Variants in UMODL1 observed in about 807,000 individuals in gnomAD.
UMODL1 encodes the protein uromodulin like 1, also known as uromodulin-like 1.
Under a neutral mutation model 136.3 loss-of-function variants are expected in UMODL1, and 128 were observed. That is an observed-to-expected ratio of 0.94 (90% CI 0.81 to 1.09). The LOEUF (loss-of-function observed/expected upper bound fraction) is 1.09, where lower values mean the gene tolerates loss of function less well. Ranked by LOEUF, UMODL1 falls within the 50% of genes least tolerant of loss-of-function variation. The pLI is 0.00. For synonymous variants in UMODL1, 721 were observed against 720.0 expected (o/e 1.00, Z -0.02); for missense variants, 1,766 against 1,725.6 (o/e 1.02, Z -0.41).
At chr21:42,064,482 G>A (rs750738121) in intron 1 of UMODL1, among the ~76,000 whole-genome samples, 26 of 152,358 alleles carry the variant, frequency 1.7e-4, no homozygotes, top group Middle Eastern at 6.8e-3. Context: ...CACCTTGCAG[G>A]TGGTGGTGGA....
chr21:42,067,526 G>A (rs896138092), upstream of UMODL1, among the ~76,000 whole-genome samples: 2 of 152,338 alleles, frequency 1.3e-5, no homozygotes, highest in Middle Eastern at 3.4e-3. Context: ...CTGTCCAGCC[G>A]TTGGCAGAAC....
chr21:42,125,972 G>A (rs183799184), intron 17 of UMODL1, among the ~76,000 whole-genome samples: 146 of 152,344 alleles, frequency 9.6e-4, no homozygotes, highest in African/African-American at 3.2e-3. Flanking sequence ...ATGCAGCAGG[G>A]TTTGGGGCAT....
intron 22 of UMODL1, among the ~76,000 whole-genome samples, chr21:42,140,594 C>T (rs1272225754): frequency 6.6e-6 from 1 of 152,160 alleles, no homozygotes; most frequent in Non-Finnish European, 1.5e-5. Context: ...TTGCCTTTCC[C>T]CTTCATCAGA....
intron 9 of UMODL1, among the ~76,000 whole-genome samples, chr21:42,106,208 GC>G (rs2066715058): frequency 6.6e-6 from 1 of 152,194 alleles, no homozygotes; most frequent in Non-Finnish European, 1.5e-5. Flanking sequence ...ATGGGGCACC[GC>G]CCCTGCCTGG....
Position 42,111,558 on chromosome 21 carries a change from A to G in UMODL1, c.1952A>G (p.Asp651Gly). 1 of 1,613,902 alleles carries G rather than the reference A, an allele frequency of 6.2e-7. No homozygotes were observed. The highest frequency in any genetic ancestry group is 8.5e-7 in the Non-Finnish European group (1 of 1,179,932). The change falls in exon 12 of 23, where the codon GAC becomes GGC. Residue 651 changes from aspartate to glycine, a missense_variant. Asp to Gly is a moderately conservative substitution (Grantham distance 94). Transcript: ENST00000408910. The part of the protein sequence containing the change: ...EPPSWPSPTE[D>G]PTGHFLWHAT... Reference sequence around the variant, plus strand: ...CCCTCCTGGCCTTCCCCTACTGAGGACCCCACCGGCCACTTCCTGTGGCAT... The same window carrying G: ...CCCTCCTGGCCTTCCCCTACTGAGGGCCCCACCGGCCACTTCCTGTGGCAT...
At chr21:42,120,568 C>A (rs2066956605) in intron 15 of UMODL1, 1 of 152,488 alleles carries the variant, frequency 6.6e-6, no homozygotes, top group African/African-American at 2.4e-5. Flanking sequence ...GCTCTCAGAG[C>A]ATGCCTGCAT....
chr21:42,117,208 T>A (rs1216497608), intron 14 of UMODL1, among the ~76,000 whole-genome samples: 2 of 152,250 alleles, frequency 1.3e-5, no homozygotes, highest in African/African-American at 4.8e-5. Context: ...AATATGTGAC[T>A]TTTTGTGTCT....
chr21:42,128,108 G>A (rs182487312), intron 20 of UMODL1: 19 of 558,294 alleles, frequency 3.4e-5, no homozygotes, highest in East Asian at 1.3e-4. Flanking sequence ...CGGCTGTCGC[G>A]TCAGCACTGC....
At chr21:42,065,441 C>T (rs576502814) in intron 1 of UMODL1, among the ~76,000 whole-genome samples, 1 of 152,146 alleles carries the variant, frequency 6.6e-6, no homozygotes, top group Admixed American at 6.5e-5. Context: ...TCACGAAATG[C>T]TGGTGCAGGT....
At position 42,127,133 on chromosome 21, in the gene UMODL1, G is replaced by C; in HGVS notation, c.3421G>C (p.Val1141Leu). Residue 1141 changes from valine to leucine, a missense_variant, in exon 19 of 23, where the codon GTG becomes CTG. Coordinates refer to ENST00000408910, the MANE Select transcript of UMODL1 (RefSeq NM_001004416.3). ...VSASDDVRIE[V>L]GLYRQKSNLK... is the part of the protein sequence containing the mutation. Reference sequence around the variant, plus strand: ...TGCCAGTGACGATGTCAGGATCGAAGTGGGGCTCTACAGGCAGAAAAGCAA... The same window carrying C: ...TGCCAGTGACGATGTCAGGATCGAACTGGGGCTCTACAGGCAGAAAAGCAA... 6.2e-7 allele frequency: 1 copy of C among 1,614,210 alleles called. No homozygotes were observed. The highest frequency in any genetic ancestry group is 8.5e-7 in the Non-Finnish European group (1 of 1,180,036).
At chr21:42,068,463 G>T (rs1180484309), upstream of UMODL1, among the ~76,000 whole-genome samples, 6 of 152,210 alleles carry the variant, frequency 3.9e-5, no homozygotes, top group South Asian at 6.2e-4. This position sits in a 1 kb window ranked among gnomAD's most constrained non-coding sequence, Gnocchi z 5.5. Flanking sequence ...ATGACTCAAG[G>T]TCTCTTCCAA....
At position 42,123,037 on chromosome 21, in the gene UMODL1, A is replaced by G. The variant is rs1373315853; in HGVS notation, c.3034A>G (p.Ile1012Val). ...IQKRFLQQES[I>V]PESSLYLSHP... ...GAAGCGCTTCCTGCAGCAGGAATCC[A>G]TCCCCGAGTCCTCGTTGTACCTCAG... Residue 1012 changes from isoleucine to valine, a missense_variant, in exon 17 of 23, where the codon ATC (isoleucine) becomes GTC (valine). Physicochemically the swap from Ile to Val is conservative, Grantham distance 29. Transcript: ENST00000408910. The surrounding 1 kb of genome is among the most constrained non-coding windows in gnomAD (Gnocchi z 4.4). 1 of 1,614,130 alleles carries G rather than the reference A, an allele frequency of 6.2e-7. No homozygotes were observed. Among genetic ancestry groups the G allele is most frequent in the East Asian group, 2.2e-5 (1 of 44,880 alleles).
intron 1 of UMODL1, among the ~76,000 whole-genome samples, chr21:42,074,253 G>C (rs2066262945): frequency 6.6e-6 from 1 of 151,702 alleles, no homozygotes; most frequent in Non-Finnish European, 1.5e-5. Flanking sequence ...GCATCACCCT[G>C]GTCTCTACCT....
rs115666280 is a variant in UMODL1 at position 42,118,231 on chromosome 21, C to T, written c.2476-880C>T. Among the ~76,000 whole-genome samples the T allele has an allele frequency of 3.3e-3, 498 of 152,322 alleles. 3 individuals carry two copies. Among genetic ancestry groups the T allele is most frequent in the African/African-American group, 0.011 (473 of 41,560 alleles). On this transcript the variant is annotated intron_variant, in intron 14 of 22. Coordinates refer to ENST00000408910, the MANE Select transcript of UMODL1 (RefSeq NM_001004416.3). ...GAAGAACTGATTGTGAAGATGGTCA[C>T]GACAACAGTCATCTACTGAGCCAAC...
rs372423645 is a variant in UMODL1 at position 42,119,105 on chromosome 21, C to T, written c.2476-6C>T. On this transcript the variant is annotated splice_polypyrimidine_tract_variant and splice_region_variant and intron_variant, in intron 14 of 22. Transcript: ENST00000408910. ...GGACCTCCTCACATGGCCTCTTTCC[C>T]CGCAGGTGCGGGGCTCCCTGCCAGC... 59 of 1,611,366 alleles carry T rather than the reference C, an allele frequency of 3.7e-5. No individual in the cohort carries two copies. The African/African-American group carries it at 6.9e-4, about 19-fold the overall frequency.
Position 42,111,268 on chromosome 21 carries a change from C to G in UMODL1, c.1899+147C>G, listed in dbSNP as rs1315549873. 12 of 1,418,256 alleles carry G rather than the reference C, an allele frequency of 8.5e-6. No homozygotes were observed. Among genetic ancestry groups the G allele is most frequent in the Non-Finnish European group, 1.0e-5 (11 of 1,062,634 alleles). The allele number at this position is 1,418,256 out of a possible 1,614,324, so 87.9% of individuals were successfully genotyped here. A position where few individuals can be genotyped will look rare whatever the true frequency, so the allele number is the denominator to read the frequency against. On this transcript the variant is annotated intron_variant, in intron 11 of 22. Coordinates refer to ENST00000408910, the MANE Select transcript of UMODL1 (RefSeq NM_001004416.3). ...GCCAGAGGAGCACCAGCCAGGGGAGCCCCAGCCAGGTGAACCCCAGCCAGC... is the reference window on the plus strand; with the variant it reads ...GCCAGAGGAGCACCAGCCAGGGGAGGCCCAGCCAGGTGAACCCCAGCCAGC...
At chr21:42,073,622 C>T (rs566962753) in intron 1 of UMODL1, among the ~76,000 whole-genome samples, 39 of 152,290 alleles carry the variant, frequency 2.6e-4, no homozygotes, top group African/African-American at 7.9e-4. Context: ...CTTCCCTCAC[C>T]GTGTTTGAGG....
rs376301937 is a variant in UMODL1, at chr21:42,075,112, G to A, written c.77-893G>A. 3.0e-3 allele frequency among the ~76,000 whole-genome samples: 456 copies of A among 152,080 alleles called. 4 individuals are homozygous for A. The highest frequency in any genetic ancestry group is 0.016 in the South Asian group (79 of 4,816). On this transcript the variant is annotated intron_variant, in intron 1 of 22. Coordinates refer to ENST00000408910, the MANE Select transcript of UMODL1 (RefSeq NM_001004416.3). ...AGGGGCTTTCACCATGTTAGCCAGG[G>A]TGGTCTCGATCTCCTGACCTCGTGA...
chr21:42,079,903 G>C (rs898247318), intron 2 of UMODL1, among the ~76,000 whole-genome samples: 2 of 152,228 alleles, frequency 1.3e-5, no homozygotes, highest in Admixed American at 1.3e-4. Flanking sequence ...GCGACTGTGG[G>C]AGGAGGAACA....
Sources: gnomAD v4.1 joint callset for allele counts (sites outside exome capture counted in the v4.1 genomes callset) on GRCh38, gnomAD v4.1.1 for gene constraint, Gnocchi (gnomAD v3.1) non-coding constraint, MANE v1.5 for transcripts, NCBI Gene and HGNC (gene_info 2026-07-23, HGNC 2026-07-21) for gene names.